Variants in APBA2 observed in about 807,000 individuals in gnomAD.
APBA2 encodes the protein amyloid-beta A4 precursor protein-binding family A member 2.
Under a neutral mutation model 75.0 loss-of-function variants are expected in APBA2, and 30 were observed. The ratio of observed to expected loss-of-function variants is 0.40; its 90% CI spans 0.30 to 0.54. The LOEUF (loss-of-function observed/expected upper bound fraction) is 0.54. Ranked by LOEUF, APBA2 falls within the 20% of genes least tolerant of loss-of-function variation. The pLI, the probability that APBA2 is intolerant of heterozygous loss-of-function variation, is 0.49. For missense variants in APBA2, 801 were observed against 1,016.1 expected, an observed-to-expected ratio of 0.79 and a Z score of 2.88; for synonymous variants, 444 against 409.6, an observed-to-expected ratio of 1.08 and a Z score of -1.01.
intron 5 of APBA2, 60 bp downstream of exon 5, chr15:29,075,061 C>T: frequency 8.2e-7 from 1 of 1,226,198 alleles, no homozygotes; most frequent in Non-Finnish European, 1.2e-6. Flanking sequence ...ATGGAGTGGC[C>T]CACCGAGTTG....
intron 2 of APBA2, among the ~76,000 whole-genome samples, chr15:28,932,516 T>C (rs2034617169): frequency 1.3e-5 from 2 of 152,174 alleles, no homozygotes; most frequent in African/African-American, 4.8e-5. Flanking sequence ...ACCAGGGCAG[T>C]AAAAGCAACG....
At chr15:28,971,126 A>G (rs2037045173) in intron 2 of APBA2, among the ~76,000 whole-genome samples, 1 of 152,154 alleles carries the variant, frequency 6.6e-6, no homozygotes, top group Admixed American at 6.5e-5. Context: ...ACAAGTAATT[A>G]TTCTAGGGCT....
chr15:29,083,973 G>A (rs2043187221), intron 6 of APBA2, among the ~76,000 whole-genome samples: 2 of 152,040 alleles, frequency 1.3e-5, no homozygotes. Flanking sequence ...TATCTTCATC[G>A]GTAAAGTTTT....
intron 2 of APBA2, among the ~76,000 whole-genome samples, chr15:28,953,833 C>T (rs146864247): frequency 2.6e-4 from 39 of 152,266 alleles, no homozygotes; most frequent in South Asian, 1.2e-3. Flanking sequence ...CCCTCTTCTC[C>T]GCTCGGTCCA....
rs186615068 is a variant in APBA2 at position 29,052,221 on chromosome 15, C to T, written c.-40-1624C>T. Among the ~76,000 whole-genome samples, 105 of 152,004 alleles carry T rather than the reference C, an allele frequency of 6.9e-4. 1 individual carries two copies. The highest frequency in any genetic ancestry group is 2.2e-3 in the African/African-American group (93 of 41,394). ...CTGTAATCCCAGCACTTTTAGAGGC[C>T]GAGGTGGGCGGATCACGAGGTCAGG... On this transcript the variant is annotated intron_variant, in intron 3 of 14. Transcript: ENST00000683413.
At chr15:28,996,835 C>G (rs532809087) in intron 3 of APBA2, among the ~76,000 whole-genome samples, 79 of 152,294 alleles carry the variant, frequency 5.2e-4, no homozygotes, top group African/African-American at 1.8e-3. Context: ...GAACACCCCC[C>G]CTGCCTGACC....
At chr15:29,022,610 T>A (rs2040010425) in intron 3 of APBA2, among the ~76,000 whole-genome samples, 1 of 152,184 alleles carries the variant, frequency 6.6e-6, no homozygotes, top group South Asian at 2.1e-4. Flanking sequence ...TAAATCATTA[T>A]AGATGATGAG....
intron 3 of APBA2, among the ~76,000 whole-genome samples, chr15:28,998,282 A>G (rs2038649413): frequency 6.6e-6 from 1 of 151,658 alleles, no homozygotes; most frequent in African/African-American, 2.4e-5. Context: ...GATCTATAAA[A>G]TGTGTGCATA....
chr15:28,912,187 T>C (rs2033461704), intron 1 of APBA2, among the ~76,000 whole-genome samples: 1 of 152,216 alleles, frequency 6.6e-6, no homozygotes, highest in Non-Finnish European at 1.5e-5. Flanking sequence ...AGGAAGTGTT[T>C]CCAGTTTTCA....
intron 9 of APBA2, among the ~76,000 whole-genome samples, chr15:29,100,427 G>A (rs992148058): frequency 8.5e-5 from 13 of 152,246 alleles, no homozygotes; most frequent in Non-Finnish European, 1.6e-4. Flanking sequence ...AGAAACACTC[G>A]AGTTTCTTTT....
chr15:28,940,396 C>A (rs4517753), intron 2 of APBA2, among the ~76,000 whole-genome samples: 1 of 131,660 alleles, frequency 7.6e-6, no homozygotes, highest in Admixed American at 7.8e-5. Flanking sequence ...AATAGCGGGG[C>A]GTGGTGGCAG....
chr15:29,027,132 G>T (rs894854209), intron 3 of APBA2, among the ~76,000 whole-genome samples: 6 of 152,102 alleles, frequency 3.9e-5, no homozygotes, highest in Non-Finnish European at 7.4e-5. Flanking sequence ...TAAGATCTTT[G>T]CCTCTCTCAT....
chr15:29,114,663 G>A (rs139745914), intron 14 of APBA2, among the ~76,000 whole-genome samples: 2 of 151,850 alleles, frequency 1.3e-5, no homozygotes, highest in Non-Finnish European at 2.9e-5. Flanking sequence ...TGTGATGTAT[G>A]AGTGTGGGTA....
At chr15:29,062,602 G>A (rs2042178890) in intron 4 of APBA2, among the ~76,000 whole-genome samples, 1 of 152,162 alleles carries the variant, frequency 6.6e-6, no homozygotes, top group South Asian at 2.1e-4. Flanking sequence ...TATCTATCAG[G>A]ATCTGGGATT....
intron 3 of APBA2, among the ~76,000 whole-genome samples, chr15:29,030,739 G>T (rs1286927582): frequency 6.7e-6 from 1 of 149,842 alleles, no homozygotes; most frequent in Non-Finnish European, 1.5e-5. Context: ...ATGTGTGTGT[G>T]TGTGTGTGTG....
chr15:29,039,520 C>T (rs1186093349), intron 3 of APBA2, among the ~76,000 whole-genome samples: 1 of 152,132 alleles, frequency 6.6e-6, no homozygotes, highest in Non-Finnish European at 1.5e-5. Context: ...TGTCCAAATT[C>T]TCCTCACCCA....
intron 13 of APBA2, among the ~76,000 whole-genome samples, chr15:29,111,714 C>T (rs1000819857): frequency 6.6e-6 from 1 of 152,058 alleles, no homozygotes; most frequent in Non-Finnish European, 1.5e-5. Flanking sequence ...CCTCTGTGCA[C>T]CTAGACACAG....
chr15:29,110,278 C>T (rs570376831), intron 13 of APBA2, among the ~76,000 whole-genome samples: 2 of 152,276 alleles, frequency 1.3e-5, no homozygotes, highest in Admixed American at 6.5e-5. Flanking sequence ...CATGAGGAGC[C>T]GTGCTGTGCA....
At chr15:29,110,872 G>A (rs980951272) in intron 13 of APBA2, among the ~76,000 whole-genome samples, 8 of 152,192 alleles carry the variant, frequency 5.3e-5, no homozygotes, top group African/African-American at 1.9e-4. Flanking sequence ...CAGGTGTGAA[G>A]TCAAGGCGGA....
Sources: gnomAD v4.1 joint callset for allele counts (sites outside exome capture counted in the v4.1 genomes callset) on GRCh38, gnomAD v4.1.1 for gene constraint, MANE v1.5 for transcripts, NCBI Gene and HGNC (gene_info 2026-07-23, HGNC 2026-07-21) for gene names.